MSR1: variants seen among roughly 807,000 people sequenced by gnomAD.
The protein encoded by MSR1 is macrophage scavenger receptor 1, also known as macrophage scavenger receptor types I and II.
Under a neutral mutation model 47.2 loss-of-function variants are expected in MSR1, and 53 were observed. The ratio of observed to expected loss-of-function variants is 1.12; its 90% CI spans 0.90 to 1.41. MSR1 has a LOEUF of 1.41. Ranked by LOEUF, MSR1 falls within the 40% of genes most tolerant of loss-of-function variation. The probability of loss-of-function intolerance (pLI) is 0.00; values close to 1 mark genes in which losing one functional copy is unlikely to be tolerated. For missense variants in MSR1, 786 were observed against 546.9 expected (o/e 1.44, Z -4.36); for synonymous variants, 239 against 185.6 (o/e 1.29, Z -2.34).
intron 1 of MSR1, among the ~76,000 whole-genome samples, chr8:16,189,972 T>C (rs1333685868): frequency 4.8e-5 from 7 of 146,304 alleles, no homozygotes; most frequent in Non-Finnish European, 8.9e-5. Flanking sequence ...TGGAGTGTAA[T>C]GGTGTGATCT....
At chr8:16,167,507 T>C (rs928618038) in intron 4 of MSR1, among the ~76,000 whole-genome samples, 1 of 152,136 alleles carries the variant, frequency 6.6e-6, no homozygotes, top group Non-Finnish European at 1.5e-5. Context: ...ATCTCACCAT[T>C]GCACTCCAGC....
intron 5 of MSR1, among the ~76,000 whole-genome samples, chr8:16,163,621 C>T (rs1801221624): frequency 6.6e-6 from 1 of 151,456 alleles, no homozygotes; most frequent in Non-Finnish European, 1.5e-5. Flanking sequence ...CTAACAGGCA[C>T]TGCAGAAGAA....
intron 4 of MSR1, among the ~76,000 whole-genome samples, chr8:16,165,981 G>A (rs1300595250): frequency 2.0e-5 from 3 of 151,998 alleles, no homozygotes; most frequent in East Asian, 3.9e-4. Flanking sequence ...TGTTTGTAGG[G>A]CACACCGCCA....
intron 3 of MSR1, among the ~76,000 whole-genome samples, chr8:16,173,798 G>A (rs1438565019): frequency 6.6e-6 from 1 of 151,898 alleles, no homozygotes; most frequent in African/African-American, 2.4e-5. Flanking sequence ...ACAGGCACCC[G>A]CCACCACTCC....
At chr8:16,135,449 C>T (rs188633004) in intron 8 of MSR1, among the ~76,000 whole-genome samples, 9 of 152,084 alleles carry the variant, frequency 5.9e-5, no homozygotes, top group African/African-American at 1.7e-4. Flanking sequence ...ACTGTTGAGA[C>T]TTATTGCTGA....
intron 9 of MSR1, among the ~76,000 whole-genome samples, chr8:16,110,552 G>A (rs1222924236): frequency 1.3e-5 from 2 of 152,046 alleles, no homozygotes; most frequent in Non-Finnish European, 2.9e-5. Context: ...GAAAGTTTGA[G>A]CCTTAATAAT....
chr8:16,179,044 C>G (rs34520850), intron 1 of MSR1, among the ~76,000 whole-genome samples: 1,749 of 152,192 alleles, frequency 0.011, 26 homozygotes, highest in African/African-American at 0.04. Flanking sequence ...ATGTGGAACC[C>G]TCTCATGTAT....
intron 8 of MSR1, among the ~76,000 whole-genome samples, chr8:16,131,126 G>A (rs1171866604): frequency 1.3e-5 from 2 of 151,792 alleles, no homozygotes; most frequent in East Asian, 1.9e-4. Flanking sequence ...TTTTCTCCAC[G>A]AACTCGTCAC....
Position 16,186,794 on chromosome 8 carries a change from T to A in MSR1, c.-5+5804A>T, listed in dbSNP as rs185174413. The stretch of plus-strand genomic sequence containing the variant: ...CTACGGGTGCATGCCACCATGCCCA[T>A]CTAGAGATGCAGTCTTACTATGTTG... On this transcript the variant is annotated intron_variant, in intron 1 of 9. Transcript: ENST00000262101. Among the ~76,000 whole-genome samples, 5 of 113,118 alleles carry A rather than the reference T, an allele frequency of 4.4e-5. No individual in the cohort carries two copies. In the East Asian group the frequency reaches 1.2e-3, roughly 28 times the overall value. 74.2% of individuals were successfully genotyped at this position (113,118 alleles called of 152,430 possible). A position where few individuals can be genotyped will look rare whatever the true frequency, so the allele number is the denominator to read the frequency against.
At chr8:16,164,018 A>G in intron 5 of MSR1, 47 bp downstream of exon 5, 1 of 1,426,884 alleles carries the variant, frequency 7.0e-7, no homozygotes. Context: ...GTATCAGTAT[A>G]TTTTAATATA....
intron 8 of MSR1, among the ~76,000 whole-genome samples, chr8:16,124,115 A>G (rs895355621): frequency 6.6e-6 from 1 of 152,150 alleles, no homozygotes; most frequent in African/African-American, 2.4e-5. Flanking sequence ...AGTTTCTAAA[A>G]TATCCAGGGA....
At chr8:16,153,755 G>C (rs1800924154) in intron 6 of MSR1, among the ~76,000 whole-genome samples, 1 of 151,940 alleles carries the variant, frequency 6.6e-6, no homozygotes, top group Non-Finnish European at 1.5e-5. Context: ...ATAAAGCTCT[G>C]ACAATTGCAG....
rs755876137 is a variant in MSR1, at chr8:16,110,125, C to T, written c.1316G>A (p.Cys439Tyr). The T allele has an allele frequency of 3.1e-6, 5 of 1,613,684 alleles. No homozygotes were observed. The highest frequency in any genetic ancestry group is 4.2e-6 in the Non-Finnish European group (5 of 1,179,724). ...GACTCCAGCATCTTCAGAATGTGAACAGGCTCTTGTCCCCCATTGCCGAAT... is the reference window on the plus strand; with the variant it reads ...GACTCCAGCATCTTCAGAATGTGAATAGGCTCTTGTCCCCCATTGCCGAAT... ...CKIRQWGTRA[C>Y]SHSEDAGVTC... Residue 439 changes from cysteine to tyrosine, a missense_variant, in exon 10 of 10, where the codon TGT becomes TAT. Transcript: ENST00000262101.
At chr8:16,139,035 C>G (rs370862373) in intron 8 of MSR1, among the ~76,000 whole-genome samples, 1 of 152,168 alleles carries the variant, frequency 6.6e-6, no homozygotes, top group Non-Finnish European at 1.5e-5. Flanking sequence ...TTCTGCCCTC[C>G]GGCGTGCACT....
chr8:16,192,506 A>T (rs1308725761), intron 1 of MSR1, 92 bp downstream of exon 1: 2 of 152,022 alleles, frequency 1.3e-5, no homozygotes, highest in Non-Finnish European at 2.9e-5. Context: ...TATCACACAC[A>T]TGCATGCACA....
intron 8 of MSR1, 55 bp downstream of exon 8, chr8:16,143,503 C>T (rs1029722040): frequency 1.3e-6 from 2 of 1,506,996 alleles, no homozygotes; most frequent in African/African-American, 1.4e-5. Flanking sequence ...TCTCTAGTAT[C>T]ACAGACTTAC....
chr8:16,140,931 T>A, intron 8 of MSR1: 1 of 1,612,984 alleles, frequency 6.2e-7, no homozygotes, highest in Non-Finnish European at 8.5e-7. Context: ...GTTGTGCAGA[T>A]GACTTGTCCA....
intron 8 of MSR1, chr8:16,139,840 A>T: frequency 2.8e-6 from 1 of 360,906 alleles, no homozygotes; most frequent in South Asian, 1.1e-4. Context: ...AATTTGGAAA[A>T]TAAGAAGATG....
chr8:16,157,852 T>C (rs561067602), intron 5 of MSR1, among the ~76,000 whole-genome samples: 54 of 152,064 alleles, frequency 3.6e-4, no homozygotes, highest in Middle Eastern at 3.4e-3. Flanking sequence ...CACCTCCTAG[T>C]TCCCTCAGTG....
Sources: gnomAD v4.1 joint callset for allele counts (sites outside exome capture counted in the v4.1 genomes callset) on GRCh38, gnomAD v4.1.1 for gene constraint, MANE v1.5 for transcripts, NCBI Gene and HGNC (gene_info 2026-07-23, HGNC 2026-07-21) for gene names.